The following PACSIN2 variants were observed in gnomAD, a reference collection of about 807,000 sequenced individuals.
The protein encoded by PACSIN2 is protein kinase C and casein kinase substrate in neurons 2.
In PACSIN2, 25 loss-of-function variants were observed where a neutral mutation model predicts 63.8. The observed-to-expected ratio is 0.39, with a 90% CI of 0.29 to 0.55. The LOEUF (loss-of-function observed/expected upper bound fraction) is 0.55, where lower values mean the gene tolerates loss of function less well. Ranked by LOEUF, PACSIN2 falls within the 20% of genes least tolerant of loss-of-function variation. The pLI, the probability that PACSIN2 is intolerant of heterozygous loss-of-function variation, is 0.62. For missense variants in PACSIN2, 518 were observed against 646.9 expected (o/e 0.80, Z 2.16); for synonymous variants, 255 against 256.2 (o/e 1.00, Z 0.05).
intron 2 of PACSIN2, among the ~76,000 whole-genome samples, chr22:42,908,081 T>C (rs1931208986): frequency 6.6e-6 from 1 of 152,190 alleles, no homozygotes; most frequent in African/African-American, 2.4e-5. Flanking sequence ...GTTCTCTTCA[T>C]CTCCCCAAAT....
intron 2 of PACSIN2, among the ~76,000 whole-genome samples, chr22:42,896,998 A>C (rs565115767): frequency 5.9e-5 from 9 of 152,150 alleles, no homozygotes; most frequent in African/African-American, 2.2e-4. Context: ...GTGCAGTGCC[A>C]CAATCATGGC....
chr22:42,918,171 A>T (rs1222636607), intron 1 of PACSIN2, among the ~76,000 whole-genome samples: 1 of 152,214 alleles, frequency 6.6e-6, no homozygotes, highest in East Asian at 1.9e-4. Flanking sequence ...CACCAGGGCC[A>T]CTGCAGACAG....
intron 7 of PACSIN2, among the ~76,000 whole-genome samples, chr22:42,880,926 T>C (rs1320723496): frequency 1.3e-5 from 2 of 152,200 alleles, no homozygotes; most frequent in Non-Finnish European, 2.9e-5. Flanking sequence ...ACCCCAGCTG[T>C]GCACAAAACA....
At chr22:42,903,144 T>C (rs1018813293) in intron 2 of PACSIN2, among the ~76,000 whole-genome samples, 16 of 152,266 alleles carry the variant, frequency 1.1e-4, no homozygotes, top group African/African-American at 3.8e-4. Flanking sequence ...CTGAGTTAGT[T>C]TATCCCTAAG....
intron 1 of PACSIN2, among the ~76,000 whole-genome samples, chr22:42,993,146 C>T (rs1278582955): frequency 6.6e-6 from 1 of 151,594 alleles, no homozygotes; most frequent in East Asian, 1.9e-4. Flanking sequence ...TGCACTCCAG[C>T]CTAGCAACAG....
chr22:42,888,878 T>C, intron 4 of PACSIN2, 80 bp from the exon 5 acceptor site: 1 of 1,435,796 alleles, frequency 7.0e-7, no homozygotes, highest in South Asian at 1.2e-5. Context: ...ACCATGGGAA[T>C]GCTTGTGCTA....
intron 8 of PACSIN2, among the ~76,000 whole-genome samples, chr22:42,877,506 C>A (rs1365546520): frequency 6.6e-6 from 1 of 152,166 alleles, no homozygotes; most frequent in Admixed American, 6.5e-5. Flanking sequence ...GGGTTCAGGG[C>A]TCGCTCTTCT....
chr22:42,894,046 T>C (rs1330120650), intron 2 of PACSIN2, among the ~76,000 whole-genome samples: 1 of 152,116 alleles, frequency 6.6e-6, no homozygotes, highest in Admixed American at 6.5e-5. Context: ...TTCCCAATCA[T>C]AGCTGTAAAA....
intron 1 of PACSIN2, chr22:43,002,436 A>C (rs1923830482): frequency 6.6e-6 from 1 of 152,214 alleles, no homozygotes; most frequent in South Asian, 2.1e-4. Context: ...CTTGCTCATC[A>C]AAGTATGGCA....
chr22:42,933,212 T>A (rs1932818716), intron 1 of PACSIN2, among the ~76,000 whole-genome samples: 1 of 152,220 alleles, frequency 6.6e-6, no homozygotes, highest in Admixed American at 6.5e-5. Flanking sequence ...ACAAACTATC[T>A]CTATGGTTCC....
At chr22:42,960,793 T>C in intron 1 of PACSIN2, among the ~76,000 whole-genome samples, 1 of 152,156 alleles carries the variant, frequency 6.6e-6, no homozygotes, top group East Asian at 1.9e-4. Flanking sequence ...GCTGGGCTTG[T>C]GAAAATTCAC....
At chr22:42,952,667 A>T (rs573400373) in intron 1 of PACSIN2, among the ~76,000 whole-genome samples, 8,851 of 129,948 alleles carry the variant, frequency 0.068, 838 homozygotes, top group African/African-American at 0.23. Context: ...CTATTTATTT[A>T]TTTTTTTTTT....
chr22:43,002,883 A>C (rs1364463979), intron 1 of PACSIN2, among the ~76,000 whole-genome samples: 1 of 152,234 alleles, frequency 6.6e-6, no homozygotes, highest in Admixed American at 6.5e-5. Context: ...AAACATGGAA[A>C]ATACTTGAGA....
chr22:42,878,286 C>G lies in PACSIN2; in HGVS notation c.1028+762G>C, dbSNP rs535382563. ...CCACCTGCCCAGACAGCGTGCAAAGCAGCGGAATGACGACAGCCACACCTG... is the reference window on the plus strand; with the variant it reads ...CCACCTGCCCAGACAGCGTGCAAAGGAGCGGAATGACGACAGCCACACCTG... On this transcript the variant is annotated intron_variant, in intron 8 of 10. Transcript: ENST00000263246. 3.9e-4 allele frequency among the ~76,000 whole-genome samples: 60 copies of G among 152,246 alleles called. 1 individual carries two copies. The highest frequency in any genetic ancestry group is 8.2e-4 in the Non-Finnish European group (56 of 68,040).
intron 1 of PACSIN2, among the ~76,000 whole-genome samples, chr22:42,979,904 G>T (rs529232692): frequency 6.6e-5 from 10 of 152,232 alleles, no homozygotes; most frequent in Admixed American, 5.9e-4. Context: ...AACTGTACTT[G>T]TCATTGTAAA....
chr22:42,990,514 C>T (rs975779247), intron 1 of PACSIN2, among the ~76,000 whole-genome samples: 2 of 152,176 alleles, frequency 1.3e-5, no homozygotes, highest in African/African-American at 4.8e-5. Context: ...GGACCATCCA[C>T]TCTGCAGGCC....
chr22:42,946,431 G>A (rs753071443), intron 1 of PACSIN2, among the ~76,000 whole-genome samples: 8 of 152,130 alleles, frequency 5.3e-5, no homozygotes, highest in Non-Finnish European at 1.0e-4. Flanking sequence ...AATGTACCAC[G>A]GGCTCACCCA....
intron 1 of PACSIN2, among the ~76,000 whole-genome samples, chr22:43,001,776 C>T (rs1005282446): frequency 1.3e-5 from 2 of 152,160 alleles, no homozygotes; most frequent in African/African-American, 2.4e-5. Flanking sequence ...AGGGAAACAG[C>T]CCCTGTGGGG....
chr22:42,945,007 A>G (rs561388993), intron 1 of PACSIN2, among the ~76,000 whole-genome samples: 1 of 151,968 alleles, frequency 6.6e-6, no homozygotes, highest in African/African-American at 2.4e-5. Context: ...CTGAGGCAGG[A>G]GAATCACTTG....
Sources: gnomAD v4.1 joint callset for allele counts (sites outside exome capture counted in the v4.1 genomes callset) on GRCh38, gnomAD v4.1.1 for gene constraint, MANE v1.5 for transcripts, NCBI Gene and HGNC (gene_info 2026-07-23, HGNC 2026-07-21) for gene names.